Variants in ACOXL observed in about 807,000 individuals in gnomAD.
ACOXL encodes the protein acyl-coenzyme A oxidase-like protein.
Under a neutral mutation model 71.9 loss-of-function variants are expected in ACOXL, and 70 were observed. The ratio of observed to expected loss-of-function variants is 0.97; its 90% CI spans 0.80 to 1.19. ACOXL has a LOEUF of 1.19. Among genes scored for constraint, ACOXL ranks in the 50% most tolerant of loss-of-function variants. The pLI is 0.00. For missense variants in ACOXL, 703 were observed against 736.3 expected (o/e 0.95, Z 0.52); for synonymous variants, 253 against 281.6 (o/e 0.90, Z 1.02).
chr2:110,955,967 CTCGCTCTG>C lies in ACOXL; in HGVS notation c.1059+22327_1059+22334del, dbSNP rs1321915161. ...TTTTTTTTTTTTTTTGAGATGGAGTCTCGCTCTGTTGCCCAGGCTAGAGTGCAGTGGTG... is the reference window on the plus strand; with the variant it reads ...TTTTTTTTTTTTTTTGAGATGGAGTCTTGCCCAGGCTAGAGTGCAGTGGTG... On this transcript the variant is annotated intron_variant, in intron 12 of 17. Transcript: ENST00000439055. Among the ~76,000 whole-genome samples, 3 of 120,056 alleles carry C rather than the reference CTCGCTCTG, an allele frequency of 2.5e-5. No homozygotes were observed. In the East Asian group the frequency reaches 7.3e-4, roughly 29 times the overall value. 78.8% of individuals were successfully genotyped at this position (120,056 alleles called of 152,430 possible).
intron 12 of ACOXL, among the ~76,000 whole-genome samples, chr2:110,973,949 A>C (rs1265847223): frequency 6.6e-6 from 1 of 152,166 alleles, no homozygotes; most frequent in African/African-American, 2.4e-5. Flanking sequence ...GGGGAGGGTC[A>C]GCCTGCTTGT....
intron 12 of ACOXL, chr2:110,968,323 A>G (rs2062021418): frequency 8.4e-6 from 10 of 1,197,082 alleles, no homozygotes; most frequent in Non-Finnish European, 1.1e-5. Context: ...TGGCTCCCTG[A>G]AGGGAGCTGT....
chr2:110,822,732 G>A lies in ACOXL; in HGVS notation c.753+17337G>A, dbSNP rs188742144. On this transcript the variant is annotated intron_variant, in intron 9 of 17. Transcript: ENST00000439055. ...TAAAGCTCTGTGGGTTTTGACAAATGTGTAGTTTCGTGTATCTCCCATTAA... is the reference window on the plus strand; with the variant it reads ...TAAAGCTCTGTGGGTTTTGACAAATATGTAGTTTCGTGTATCTCCCATTAA... Among the ~76,000 whole-genome samples, 9 of 152,262 alleles carry A rather than the reference G, an allele frequency of 5.9e-5. 1 individual carries two copies. The East Asian group carries it at 1.7e-3, about 29-fold the overall frequency.
Position 111,117,948 on chromosome 2 carries a change from G to A in ACOXL, c.*132G>A, listed in dbSNP as rs546883144. 1.6e-3 allele frequency: 1,791 copies of A among 1,127,150 alleles called. 13 individuals carry two copies. Among genetic ancestry groups the A allele is most frequent in the Non-Finnish European group, 1.0e-3 (837 of 815,596 alleles). The allele number at this position is 1,127,150 out of a possible 1,614,324, so 69.8% of individuals were successfully genotyped here. On this transcript the variant is annotated 3_prime_UTR_variant, in exon 18 of 18. Coordinates refer to ENST00000439055, the MANE Select transcript of ACOXL (RefSeq NM_001142807.4). ...CACTCTCGGGGATTTTGGTGGCAAA[G>A]CGGAGGTCCCGCCGAGGCTGGCGAG...
chr2:110,831,875 C>T (rs1689871028), intron 9 of ACOXL, among the ~76,000 whole-genome samples: 1 of 151,896 alleles, frequency 6.6e-6, no homozygotes. Flanking sequence ...AACATCCACA[C>T]ATGAAAAAAC....
At chr2:110,995,605 CTA>C (rs2063359704) in intron 13 of ACOXL, among the ~76,000 whole-genome samples, 1 of 146,466 alleles carries the variant, frequency 6.8e-6, no homozygotes, top group East Asian at 2.0e-4. Flanking sequence ...CTAAGAAAGA[CTA>C]TGTAAAATAT....
chr2:111,030,880 A>T (rs1009751859), intron 14 of ACOXL, among the ~76,000 whole-genome samples: 2 of 152,190 alleles, frequency 1.3e-5, no homozygotes, highest in Admixed American at 6.5e-5. Flanking sequence ...CTCCTCCTAA[A>T]TGATGGTAAT....
intron 10 of ACOXL, among the ~76,000 whole-genome samples, chr2:110,855,966 G>A (rs779149679): frequency 2.0e-5 from 3 of 152,144 alleles, no homozygotes; most frequent in Non-Finnish European, 2.9e-5. Flanking sequence ...CCTCTCTGAT[G>A]TTCTGTTTCT....
At chr2:110,861,172 AT>A (rs1693915217) in intron 10 of ACOXL, among the ~76,000 whole-genome samples, 1 of 152,164 alleles carries the variant, frequency 6.6e-6, no homozygotes, top group South Asian at 2.1e-4. Context: ...TTATTTCAGT[AT>A]TGATTTTTAC....
chr2:110,737,761 A>G (rs1677046878), intron 1 of ACOXL, among the ~76,000 whole-genome samples: 2 of 152,140 alleles, frequency 1.3e-5, no homozygotes, highest in Admixed American at 6.5e-5. Context: ...GCCTCCTTCC[A>G]CAGCTTCAGT....
intron 10 of ACOXL, among the ~76,000 whole-genome samples, chr2:110,905,992 G>A (rs555939959): frequency 6.6e-6 from 1 of 152,226 alleles, no homozygotes; most frequent in Admixed American, 6.5e-5. Flanking sequence ...GAGGAACTGT[G>A]AGGGTCAAAG....
chr2:110,943,333 G>A (rs1466841916), intron 12 of ACOXL, among the ~76,000 whole-genome samples: 1 of 152,004 alleles, frequency 6.6e-6, no homozygotes, highest in East Asian at 1.9e-4. Flanking sequence ...AAGAAGGAAA[G>A]GAAGGAGGGA....
Position 110,886,380 on chromosome 2 carries a change from C to CCTT in ACOXL, c.789-22409_789-22408insCTT, listed in dbSNP as rs1697289357. 3.0e-5 allele frequency among the ~76,000 whole-genome samples: 4 copies of CCTT among 131,474 alleles called. No homozygotes were observed. In the South Asian group the frequency reaches 9.9e-4, roughly 33 times the overall value. 86.3% of individuals were successfully genotyped at this position (131,474 alleles called of 152,430 possible). ...TGGACTTTACCCTATCCTTCTTTTT[C>CCTT]TTTTTTTTTTTTTTTTTAATGGATT... is the stretch of plus-strand genomic sequence containing the variant. On this transcript the variant is annotated intron_variant, in intron 10 of 17. Transcript: ENST00000439055.
At chr2:111,101,656 G>GAA (rs528603046) in intron 17 of ACOXL, among the ~76,000 whole-genome samples, 66 of 138,766 alleles carry the variant, frequency 4.8e-4, no homozygotes, top group Middle Eastern at 3.8e-3. Context: ...GAATTTGAGG[G>GAA]AAAAAAAAAA....
chr2:111,094,512 GAGCAAGAGAGGGTGAA>G (rs2068704808), intron 17 of ACOXL, among the ~76,000 whole-genome samples: 1 of 152,208 alleles, frequency 6.6e-6, no homozygotes, highest in Non-Finnish European at 1.5e-5. Flanking sequence ...TGGAAGGGAA[GAGCAAGAGAGGGTGAA>G]AGCGAGAGAG....
At chr2:111,024,107 C>A (rs1057072853) in intron 14 of ACOXL, among the ~76,000 whole-genome samples, 3 of 152,080 alleles carry the variant, frequency 2.0e-5, no homozygotes, top group Admixed American at 6.5e-5. Flanking sequence ...CTGTTCTCCC[C>A]CAATGAGAAG....
At chr2:110,812,229 T>C (rs1287319698) in intron 9 of ACOXL, among the ~76,000 whole-genome samples, 1 of 152,228 alleles carries the variant, frequency 6.6e-6, no homozygotes, top group Admixed American at 6.5e-5. Context: ...TTTGGATGGG[T>C]ATAAAATGGT....
rs12989350 is a variant in ACOXL at position 110,860,632 on chromosome 2, G to A, written c.788+19227G>A. ...TCAGTGTGTGTACTTAATTCACCAC[G>A]ATGAATCTTGGTGCAGAAGATGGAG... On this transcript the variant is annotated intron_variant, in intron 10 of 17. Coordinates refer to ENST00000439055, the MANE Select transcript of ACOXL (RefSeq NM_001142807.4). Among the ~76,000 whole-genome samples, 565 of 152,306 alleles carry A rather than the reference G, an allele frequency of 3.7e-3. 9 individuals carry two copies. Among genetic ancestry groups the A allele is most frequent in the African/African-American group, 0.013 (535 of 41,558 alleles).
Position 111,031,681 on chromosome 2 carries a change from G to C in ACOXL, c.1336G>C (p.Val446Leu). ...FHAWNSCLHHVASLSLAHTHR... is the reference protein window; with the variant it reads ...FHAWNSCLHHLASLSLAHTHR... ...TGCCTGGAACTCGTGTCTGCACCAC[G>C]TGGCTTCTCTGTCCCTGGCACACAC... Residue 446 changes from valine (V) to leucine (L), a missense_variant, in exon 15 of 18, where the codon GTG (valine) becomes CTG (leucine). By Grantham distance (32) the Val-to-Leu change is conservative (BLOSUM62 1). Coordinates refer to ENST00000439055, the MANE Select transcript of ACOXL (RefSeq NM_001142807.4). 1 of 1,614,146 alleles carries C rather than the reference G, an allele frequency of 6.2e-7. No homozygotes were observed. The highest frequency in any genetic ancestry group is 8.5e-7 in the Non-Finnish European group (1 of 1,180,026).
Sources: gnomAD v4.1 joint callset for allele counts (sites outside exome capture counted in the v4.1 genomes callset) on GRCh38, gnomAD v4.1.1 for gene constraint, MANE v1.5 for transcripts, NCBI Gene and HGNC (gene_info 2026-07-23, HGNC 2026-07-21) for gene names.